Variants in NOVA2 observed in about 807,000 individuals in gnomAD.
NOVA2 encodes the protein NOVA alternative splicing regulator 2, also known as RNA-binding protein Nova-2.
In NOVA2, 9 loss-of-function variants were observed where a neutral mutation model predicts 22.5. That is an observed-to-expected ratio of 0.40 (90% CI 0.24 to 0.70). The LOEUF is 0.70. Among genes scored for constraint, NOVA2 ranks in the 30% least tolerant of loss-of-function variants. The probability of loss-of-function intolerance (pLI) is 0.38; values close to 1 mark genes in which losing one functional copy is unlikely to be tolerated. For synonymous variants in NOVA2, 318 were observed against 335.2 expected (o/e 0.95, Z 0.56); for missense variants, 383 against 682.8 (o/e 0.56, Z 4.89).
Position 45,936,313 on chromosome 19 carries a change from T to TG in NOVA2, c.*3549dup. On this transcript the variant is annotated 3_prime_UTR_variant, in exon 4 of 4. Transcript: ENST00000263257. ...GGGATTCTCCTTGGCTGGTGGAATTTGGGGGGACCCAAAAGGATAGGGGTA... is the reference window on the plus strand; with the variant it reads ...GGGATTCTCCTTGGCTGGTGGAATTTGGGGGGGACCCAAAAGGATAGGGGTA... 1 of 152,066 alleles carries TG rather than the reference T, an allele frequency of 6.6e-6. No homozygotes were observed. Among genetic ancestry groups the TG allele is most frequent in the South Asian group, 2.1e-4 (1 of 4,816 alleles). 9.4% of individuals were successfully genotyped at this position (152,066 alleles called of 1,614,324 possible).
chr19:45,969,216 G>A lies in NOVA2; in HGVS notation c.85+4051C>T, dbSNP rs559853510. On this transcript the variant is annotated intron_variant, in intron 1 of 3. Transcript: ENST00000263257. ...AACAACAACAAAAAACAAAGAATGA[G>A]GGATGTGGCTGGGAATGGTGGCTCA... 6.0e-5 allele frequency among the ~76,000 whole-genome samples: 9 copies of A among 150,546 alleles called. No individual in the cohort carries two copies. The South Asian group carries it at 1.7e-3, about 28-fold the overall frequency.
chr19:45,952,678 G>T (rs1037839179), intron 3 of NOVA2, among the ~76,000 whole-genome samples: 1 of 152,214 alleles, frequency 6.6e-6, no homozygotes, highest in Admixed American at 6.5e-5. Context: ...TGAATAACTT[G>T]TGCGCTGCTG....
chr19:45,941,867 C>T (rs576264505), intron 3 of NOVA2, among the ~76,000 whole-genome samples: 21 of 152,324 alleles, frequency 1.4e-4, no homozygotes, highest in East Asian at 3.9e-4. Flanking sequence ...ACTTCCTCTG[C>T]GTCCAGCATC....
At chr19:45,940,995 T>G in intron 3 of NOVA2, 50 bp from the exon 4 acceptor site, 2 of 1,484,020 alleles carry the variant, frequency 1.3e-6, no homozygotes, top group South Asian at 2.6e-5. Flanking sequence ...TTTTAAAAAA[T>G]TAAATTAAAT....
At chr19:45,954,476 C>G (rs955610471) in intron 2 of NOVA2, among the ~76,000 whole-genome samples, 1 of 152,048 alleles carries the variant, frequency 6.6e-6, no homozygotes, top group African/African-American at 2.4e-5. Flanking sequence ...GCAGCGTTGG[C>G]CTCTGGGCTT....
intron 3 of NOVA2, among the ~76,000 whole-genome samples, chr19:45,951,476 G>A (rs982247977): frequency 2.0e-5 from 3 of 152,124 alleles, no homozygotes; most frequent in Non-Finnish European, 4.4e-5. Context: ...AAATTAGCCA[G>A]GCATGGTAAC....
chr19:45,970,794 T>C (rs1251989306), intron 1 of NOVA2, among the ~76,000 whole-genome samples: 1 of 152,118 alleles, frequency 6.6e-6, no homozygotes, highest in Non-Finnish European at 1.5e-5. Context: ...AAGCCCTCAA[T>C]TTTGGGATCA....
intron 3 of NOVA2, among the ~76,000 whole-genome samples, chr19:45,953,335 C>T (rs185047461): frequency 6.6e-6 from 1 of 152,174 alleles, no homozygotes; most frequent in Non-Finnish European, 1.5e-5. Context: ...ACCTCTACCC[C>T]CATACGTTAA....
At chr19:45,968,615 C>T (rs1478211646) in intron 1 of NOVA2, among the ~76,000 whole-genome samples, 2 of 151,870 alleles carry the variant, frequency 1.3e-5, no homozygotes, top group Admixed American at 1.3e-4. Context: ...ATGATGATAG[C>T]GACTGTTTAC....
At chr19:45,945,551 G>A (rs1198381766) in intron 3 of NOVA2, among the ~76,000 whole-genome samples, 6 of 151,676 alleles carry the variant, frequency 4.0e-5, no homozygotes, top group South Asian at 2.1e-4. Flanking sequence ...GTGATCCTCC[G>A]GCCTCGGCCT....
At chr19:45,969,625 T>TG (rs1010854673) in intron 1 of NOVA2, among the ~76,000 whole-genome samples, 21 of 151,264 alleles carry the variant, frequency 1.4e-4, no homozygotes, top group African/African-American at 5.1e-4. Flanking sequence ...GTTTTTATTT[T>TG]GGGGGGGTTG....
intron 3 of NOVA2, among the ~76,000 whole-genome samples, chr19:45,945,837 TA>T (rs1450576933): frequency 1.2e-4 from 18 of 149,866 alleles, no homozygotes; most frequent in Admixed American, 4.0e-4. Context: ...TTATTATTAT[TA>T]TTTTTTTTTT....
chr19:45,973,283 C>T lies in NOVA2; in HGVS notation c.69G>A (p.Lys23=). 6.8e-7 allele frequency: 1 copy of T among 1,469,386 alleles called. No homozygotes were observed. Among genetic ancestry groups the T allele is most frequent in the South Asian group, 1.3e-5 (1 of 75,778 alleles). 91.0% of individuals were successfully genotyped at this position (1,469,386 alleles called of 1,614,324 possible). The change falls in exon 1 of 4, where the codon AAG becomes AAA. Residue 23 remains lysine, a synonymous_variant. Transcript: ENST00000263257. ...LETPPEVVCT[K]RSNTGEEGEY... ...CTTTCTCACCTCCCGTGTTGCTGCG[C>T]TTGGTGCAGACCACCTCGGGGGGCG... is the stretch of plus-strand genomic sequence containing the variant.
Position 45,936,008 on chromosome 19 carries a change from T to C in NOVA2, c.*3855A>G, listed in dbSNP as rs896765188. Reference sequence around the variant, plus strand: ...AGATAGAAACGGCAAAATCATTGTCTTCTGATCACCACCCCTACTAATTAT... The same window carrying C: ...AGATAGAAACGGCAAAATCATTGTCCTCTGATCACCACCCCTACTAATTAT... On this transcript the variant is annotated 3_prime_UTR_variant, in exon 4 of 4. Coordinates refer to ENST00000263257, the MANE Select transcript of NOVA2 (RefSeq NM_002516.4). 1 of 152,264 alleles carries C rather than the reference T, an allele frequency of 6.6e-6. No individual in the cohort carries two copies. The highest frequency in any genetic ancestry group is 1.9e-4 in the East Asian group (1 of 5,198). The allele number at this position is 152,264 out of a possible 1,614,324, so 9.4% of individuals were successfully genotyped here.
chr19:45,947,352 C>T (rs530693127), intron 3 of NOVA2, among the ~76,000 whole-genome samples: 128 of 152,166 alleles, frequency 8.4e-4, no homozygotes, highest in African/African-American at 3.0e-3. Flanking sequence ...GCAGGTGTAT[C>T]TTACCTGGTG....
Position 45,973,329 on chromosome 19 carries a change from G to A in NOVA2, c.23C>T (p.Ser8Phe). Residue 8 changes from serine (S) to phenylalanine (F), a missense_variant, in exon 1 of 4, where the codon TCC (serine) becomes TTC (phenylalanine). Ser to Phe is a radical substitution (Grantham distance 155, BLOSUM62 -2). Around this residue, in one of 2 missense-constraint regions of NOVA2, gnomAD observed 349 missense variants for 578.1 expected, o/e 0.60. Transcript: ENST00000263257. The stretch of plus-strand genomic sequence containing the variant: ...GGGCGTTTCGAGGGGCCTCTTGCGG[G>A]AATCCGGGGCCTCGGGCTCCATGGG... MEPEAPDSRKRPLETPPE... is the reference protein window; with the variant it reads MEPEAPDFRKRPLETPPE... 2 of 1,282,512 alleles carry A rather than the reference G, an allele frequency of 1.6e-6. No homozygotes were observed. Among genetic ancestry groups the A allele is most frequent in the Non-Finnish European group, 9.9e-7 (1 of 1,009,068 alleles). 79.4% of individuals were successfully genotyped at this position (1,282,512 alleles called of 1,614,324 possible). A position where few individuals can be genotyped will look rare whatever the true frequency, so the allele number is the denominator to read the frequency against.
At chr19:45,948,044 T>C (rs1320316267) in intron 3 of NOVA2, among the ~76,000 whole-genome samples, 1 of 152,106 alleles carries the variant, frequency 6.6e-6, no homozygotes, top group Admixed American at 6.5e-5. Flanking sequence ...TGAAGCTTAA[T>C]TGAGCTTATG....
At chr19:45,950,244 C>T (rs993956969) in intron 3 of NOVA2, among the ~76,000 whole-genome samples, 5 of 151,478 alleles carry the variant, frequency 3.3e-5, no homozygotes, top group African/African-American at 7.3e-5. Flanking sequence ...CTGCAGCCTC[C>T]GCCTCCCAGG....
chr19:45,958,526 TGACA>T (rs1968044410), intron 2 of NOVA2, among the ~76,000 whole-genome samples: 2 of 134,840 alleles, frequency 1.5e-5, no homozygotes, highest in African/African-American at 6.5e-5. Context: ...TGACAATGTG[TGACA>T]GTGTGTGTGA....
Sources: gnomAD v4.1 joint callset for allele counts (sites outside exome capture counted in the v4.1 genomes callset) on GRCh38, gnomAD v4.1.1 for gene constraint, gnomAD v4.1.1 regional missense constraint, MANE v1.5 for transcripts, NCBI Gene and HGNC (gene_info 2026-07-23, HGNC 2026-07-21) for gene names.